Variants in FBXL13 observed in about 807,000 individuals in gnomAD.
FBXL13 encodes F-box and leucine-rich repeat protein 13.
A neutral mutation model predicts 83.6 loss-of-function variants in FBXL13; 67 were observed. That is an observed-to-expected ratio of 0.80 (90% CI 0.66 to 0.98). FBXL13 has a LOEUF of 0.98. FBXL13 is among the 50% of genes least tolerant of loss of function. The pLI, the probability that FBXL13 is intolerant of heterozygous loss-of-function variation, is 0.00. For synonymous variants in FBXL13, 272 were observed against 299.5 expected, an observed-to-expected ratio of 0.91 and a Z score of 0.95; for missense variants, 822 against 866.5, an observed-to-expected ratio of 0.95 and a Z score of 0.64.
intron 2 of FBXL13, chr7:103,049,907 T>C (rs989492319): frequency 2.0e-5 from 3 of 152,088 alleles, no homozygotes; most frequent in African/African-American, 7.2e-5. Flanking sequence ...CACCCAAATA[T>C]CAATCAGAAA....
intron 17 of FBXL13, among the ~76,000 whole-genome samples, chr7:102,846,160 T>C (rs1803908205): frequency 6.6e-6 from 1 of 152,250 alleles, no homozygotes; most frequent in South Asian, 2.1e-4. Flanking sequence ...TTTCTGCTTA[T>C]ATATCTGCCT....
rs118156142 is a variant in FBXL13 at position 103,030,468 on chromosome 7, A to G, written c.1-1050T>C. ...AGTAAAGGAGTATTGAGGATATTAC[A>G]GCAGGCAGAATAAAAACCAAGAAGG... On this transcript the variant is annotated intron_variant, in intron 2 of 19. Coordinates refer to ENST00000313221, the Ensembl canonical transcript of FBXL13. Among the ~76,000 whole-genome samples the G allele has an allele frequency of 8.0e-3, 1,223 of 152,346 alleles. 12 individuals carry two copies. Among genetic ancestry groups the G allele is most frequent in the Middle Eastern group, 0.027 (8 of 294 alleles).
At chr7:103,061,193 T>G (rs1484472197) in intron 1 of FBXL13, among the ~76,000 whole-genome samples, 1 of 151,992 alleles carries the variant, frequency 6.6e-6, no homozygotes, top group African/African-American at 2.4e-5. Context: ...TTTTTGTTTT[T>G]TTCTTTTTTG....
rs1808438477 is a variant in FBXL13, at chr7:102,870,921, A to C, written c.1635+6546T>G. ...ACAGAGTGAGACCCTTTCTCTAAAA[A>C]AATTTTTCTTTCTTTAATTCTCATC... On this transcript the variant is annotated intron_variant, in intron 16 of 19. Transcript: ENST00000313221. Among the ~76,000 whole-genome samples the C allele has an allele frequency of 2.0e-5, 3 of 152,074 alleles. No homozygotes were observed. In the South Asian group the frequency reaches 6.2e-4, roughly 32 times the overall value.
At chr7:102,977,430 C>G (rs906558984) in intron 6 of FBXL13, among the ~76,000 whole-genome samples, 2 of 152,134 alleles carry the variant, frequency 1.3e-5, no homozygotes, top group Non-Finnish European at 2.9e-5. Context: ...AAAAGCAGTT[C>G]TAGAAATCGC....
chr7:103,031,531 AAGTTAGTGCTGGCTAC>A (rs1794511770), intron 2 of FBXL13, among the ~76,000 whole-genome samples: 1 of 152,184 alleles, frequency 6.6e-6, no homozygotes, highest in African/African-American at 2.4e-5. Flanking sequence ...GATAAACAGC[AAGTTAGTGCTGGCTAC>A]AGATGGCCTC....
chr7:102,898,611 G>A (rs1189916799), intron 11 of FBXL13, among the ~76,000 whole-genome samples: 2 of 151,932 alleles, frequency 1.3e-5, no homozygotes, highest in East Asian at 3.9e-4. Context: ...ATTATATTTT[G>A]GCCAAACTTA....
intron 1 of FBXL13, among the ~76,000 whole-genome samples, chr7:103,068,763 C>G (rs1798636607): frequency 6.6e-6 from 1 of 152,114 alleles, no homozygotes; most frequent in African/African-American, 2.4e-5. Flanking sequence ...CCAAGTGTGG[C>G]CACTGTCTCC....
At chr7:103,034,612 G>A (rs1324031034) in intron 2 of FBXL13, among the ~76,000 whole-genome samples, 1 of 152,250 alleles carries the variant, frequency 6.6e-6, no homozygotes, top group Non-Finnish European at 1.5e-5. Context: ...AGCTGAGGGA[G>A]CCGGTTCCGG....
rs764007775 is a variant in FBXL13, at chr7:102,944,569, G to A, written c.725-12636C>T. 2.0e-5 allele frequency: 32 copies of A among 1,610,020 alleles called. No homozygotes were observed. Among genetic ancestry groups the A allele is most frequent in the Middle Eastern group, 3.3e-4 (2 of 6,058 alleles). The stretch of plus-strand genomic sequence containing the variant: ...GGAAAAAAAACATAGAGATCACACC[G>A]CAAAGAAGCAAAGCGTAATAATTAC... On this transcript the variant is annotated intron_variant, in intron 8 of 19. Transcript: ENST00000313221.
chr7:102,926,245 CA>C (rs1455994071), intron 10 of FBXL13, 28 bp downstream of exon 11: 1 of 1,589,020 alleles, frequency 6.3e-7, no homozygotes, highest in African/African-American at 1.3e-5. Context: ...TAATTTTTTT[CA>C]GTGTCATACA....
chr7:102,855,890 C>G (rs1421962127), intron 16 of FBXL13, among the ~76,000 whole-genome samples: 1 of 148,066 alleles, frequency 6.8e-6, no homozygotes, highest in African/African-American at 2.5e-5. Context: ...ACAGATTGGG[C>G]CTTCTCATAA....
chr7:102,890,196 A>G (rs1426759145), intron 11 of FBXL13, among the ~76,000 whole-genome samples: 1 of 152,238 alleles, frequency 6.6e-6, no homozygotes, highest in Non-Finnish European at 1.5e-5. Context: ...TAATAGAGAT[A>G]TAAGTCTGAA....
At chr7:102,996,114 T>A (rs1789756046) in intron 6 of FBXL13, among the ~76,000 whole-genome samples, 1 of 152,160 alleles carries the variant, frequency 6.6e-6, no homozygotes, top group Non-Finnish European at 1.5e-5. Context: ...TAAACCCAGT[T>A]CTCCCTGAGT....
At chr7:102,822,071 G>A in exon 19 of FBXL13, 1 of 1,614,170 alleles carries the variant, frequency 6.2e-7, no homozygotes, top group Non-Finnish European at 8.5e-7. Context: ...TGCATCTTAA[G>A]GATCCGGAGT....
At chr7:102,977,961 A>T (rs1407296797) in intron 6 of FBXL13, among the ~76,000 whole-genome samples, 5 of 151,958 alleles carry the variant, frequency 3.3e-5, no homozygotes, top group African/African-American at 1.2e-4. Context: ...GTGGGGGGAG[A>T]GGGGACGGAT....
chr7:102,913,206 G>C (rs1281179791), exon 11 of FBXL13: 2 of 1,614,052 alleles, frequency 1.2e-6, no homozygotes, highest in South Asian at 2.2e-5. Flanking sequence ...TCTGTAAGTT[G>C]TGGAAGTGCC....
At chr7:102,902,525 G>T (rs534855348) in intron 11 of FBXL13, among the ~76,000 whole-genome samples, 1 of 152,280 alleles carries the variant, frequency 6.6e-6, no homozygotes, top group East Asian at 1.9e-4. Flanking sequence ...ATGTCCTGGA[G>T]ATTTTCTCCA....
chr7:102,966,600 G>A (rs1825989759), intron 7 of FBXL13, among the ~76,000 whole-genome samples: 1 of 152,174 alleles, frequency 6.6e-6, no homozygotes, highest in South Asian at 2.1e-4. Context: ...ACTAGATAAA[G>A]ACCAAGAGCA....
Sources: gnomAD v4.1 joint callset for allele counts (sites outside exome capture counted in the v4.1 genomes callset) on GRCh38, gnomAD v4.1.1 for gene constraint, MANE v1.5 for transcripts, NCBI Gene and HGNC (gene_info 2026-07-23, HGNC 2026-07-21) for gene names.